Variants in RFX4 observed in about 807,000 individuals in gnomAD.
RFX4 encodes regulatory factor X4.
A neutral mutation model predicts 95.0 loss-of-function variants in RFX4; 10 were observed. The ratio of observed to expected loss-of-function variants is 0.11; its 90% CI spans 0.06 to 0.18. RFX4 has a LOEUF of 0.18. RFX4 is among the 10% of genes least tolerant of loss of function. RFX4 has a pLI of 1.00. For missense variants in RFX4, 640 were observed against 922.0 expected, an observed-to-expected ratio of 0.69 and a Z score of 3.96; for synonymous variants, 321 against 340.7, an observed-to-expected ratio of 0.94 and a Z score of 0.64.
rs2042887559 is a variant in RFX4, at chr12:106,746,078, C to T, written c.1634-1359C>T. On this transcript the variant is annotated intron_variant, in intron 15 of 17. Transcript: ENST00000392842. ...CCTGTGTCTATAAAAAATTTAAAGGCCAGGTGCGGTGGCTCACGCCTGTAA... is the reference window on the plus strand; with the variant it reads ...CCTGTGTCTATAAAAAATTTAAAGGTCAGGTGCGGTGGCTCACGCCTGTAA... Among the ~76,000 whole-genome samples the T allele has an allele frequency of 2.0e-5, 3 of 152,100 alleles. No homozygotes were observed. The South Asian group carries it at 6.2e-4, about 32-fold the overall frequency.
At chr12:106,746,458 G>GGA (rs2042897321) in intron 15 of RFX4, among the ~76,000 whole-genome samples, 1 of 151,922 alleles carries the variant, frequency 6.6e-6, no homozygotes, top group Non-Finnish European at 1.5e-5. Context: ...CTTGAGCCCG[G>GGA]GAGGTCAAGG....
intron 2 of RFX4, among the ~76,000 whole-genome samples, chr12:106,636,775 A>G (rs4964478): frequency 0.12 from 18,473 of 152,190 alleles, 1,112 homozygotes; most frequent in South Asian, 0.15. Context: ...AAACTGTGCT[A>G]TCTCATAGAA....
rs552005173 is a variant in RFX4 at position 106,685,249 on chromosome 12, A to G, written c.378-1635A>G. ...TTTTAGTCCTAGCTACTAGACTACC[A>G]GGGATATTTTAATATGTTTTGTAAG... On this transcript the variant is annotated intron_variant, in intron 5 of 17. Coordinates refer to ENST00000392842, the MANE Select transcript of RFX4 (RefSeq NM_213594.3). Among the ~76,000 whole-genome samples, 45 of 151,378 alleles carry G rather than the reference A, an allele frequency of 3.0e-4. 1 individual carries two copies. Among genetic ancestry groups the G allele is most frequent in the African/African-American group, 1.1e-3 (45 of 41,236 alleles).
At chr12:106,639,473 A>G in intron 3 of RFX4, 81 bp downstream of exon 3, 2 of 1,266,668 alleles carry the variant, frequency 1.6e-6, no homozygotes, top group Non-Finnish European at 2.3e-6. Context: ...TCACTTGGAT[A>G]TTTTAACATT....
chr12:106,746,859 G>A (rs985217580), intron 15 of RFX4, among the ~76,000 whole-genome samples: 6 of 152,010 alleles, frequency 3.9e-5, no homozygotes, highest in Non-Finnish European at 7.4e-5. Context: ...TTTCCTTCTC[G>A]CCCTCCCTTC....
intron 15 of RFX4, chr12:106,733,384 A>C (rs148450523): frequency 3.7e-6 from 1 of 271,026 alleles, no homozygotes; most frequent in East Asian, 7.4e-5. Context: ...AGATAATGCC[A>C]AAACCTGGGT....
At chr12:106,758,462 C>T (rs2043148799) in intron 17 of RFX4, among the ~76,000 whole-genome samples, 1 of 152,158 alleles carries the variant, frequency 6.6e-6, no homozygotes, top group Non-Finnish European at 1.5e-5. Flanking sequence ...CAGTCTATGA[C>T]ACAACTTCTG....
intron 2 of RFX4, among the ~76,000 whole-genome samples, chr12:106,628,537 T>G (rs2040350549): frequency 6.6e-6 from 1 of 152,166 alleles, no homozygotes; most frequent in African/African-American, 2.4e-5. Flanking sequence ...CTATAGGGTC[T>G]TTTTAATTTG....
At chr12:106,741,617 A>G (rs2042804990) in intron 15 of RFX4, among the ~76,000 whole-genome samples, 1 of 152,206 alleles carries the variant, frequency 6.6e-6, no homozygotes, top group African/African-American at 2.4e-5. Context: ...AGGGCAGAGC[A>G]GCTCTAGAAT....
rs2040914162 is a variant in RFX4, at chr12:106,654,360, A to G, written c.315+9A>G. The G allele has an allele frequency of 2.5e-6, 4 of 1,613,156 alleles. No homozygotes were observed. Among genetic ancestry groups the G allele is most frequent in the African/African-American group, 1.3e-5 (1 of 74,988 alleles). On this transcript the variant is annotated intron_variant, in intron 4 of 17. Coordinates refer to ENST00000392842, the MANE Select transcript of RFX4 (RefSeq NM_213594.3). ...CTGCCAGCTTTGGAAAGGTGAGTCC[A>G]GCCTCATCAGGCTTGTCCTCCCTAC...
Position 106,622,622 on chromosome 12 carries a change from A to ATT in RFX4, c.130+13756_130+13757dup, listed in dbSNP as rs34736856. On this transcript the variant is annotated intron_variant, in intron 2 of 17. Transcript: ENST00000392842. Reference sequence around the variant, plus strand: ...AAGTCCTTAGCCCACTCCAAGCTGCATTTTTTTTTTTTTTTTTTGAGACAG... The same window carrying ATT: ...AAGTCCTTAGCCCACTCCAAGCTGCATTTTTTTTTTTTTTTTTTTTGAGACAG... 4.5e-4 allele frequency among the ~76,000 whole-genome samples: 59 copies of ATT among 132,248 alleles called. No individual in the cohort carries two copies. In the South Asian group the frequency reaches 4.9e-3, roughly 11 times the overall value. The allele number at this position is 132,248 out of a possible 152,430, so 86.8% of individuals were successfully genotyped here. A position where few individuals can be genotyped will look rare whatever the true frequency, so the allele number is the denominator to read the frequency against.
In RFX4 at chr12:106,654,361, G is replaced by A. The variant is rs1439313130; in HGVS notation, c.315+10G>A. 8.7e-6 allele frequency: 14 copies of A among 1,612,742 alleles called. No individual in the cohort carries two copies. The highest frequency in any genetic ancestry group is 1.1e-5 in the Non-Finnish European group (13 of 1,179,404). On this transcript the variant is annotated intron_variant, in intron 4 of 17. Transcript: ENST00000392842. ...TGCCAGCTTTGGAAAGGTGAGTCCA[G>A]CCTCATCAGGCTTGTCCTCCCTACC...
intron 8 of RFX4, among the ~76,000 whole-genome samples, chr12:106,703,131 G>A: frequency 6.6e-6 from 1 of 152,100 alleles, no homozygotes. Flanking sequence ...TCCCTCTATT[G>A]CAAGTGAGCC....
At chr12:106,610,217 A>AGTGC (rs1280822446) in intron 2 of RFX4, among the ~76,000 whole-genome samples, 1 of 148,248 alleles carries the variant, frequency 6.7e-6, no homozygotes, top group Non-Finnish European at 1.5e-5. Flanking sequence ...CAGCCTGGGC[A>AGTGC]ACAGAGTGAG....
intron 1 of RFX4, chr12:106,601,410 G>T: frequency 6.7e-7 from 1 of 1,490,558 alleles, no homozygotes; most frequent in African/African-American, 1.4e-5. Context: ...GGGAACTGGG[G>T]CCAGGCCCGC....
At chr12:106,641,591 A>G (rs1158763420) in intron 3 of RFX4, among the ~76,000 whole-genome samples, 2 of 152,206 alleles carry the variant, frequency 1.3e-5, no homozygotes, top group East Asian at 1.9e-4. Context: ...ATAAAGGGTC[A>G]CATAGATCAT....
At chr12:106,685,607 A>T (rs1002608025) in intron 5 of RFX4, among the ~76,000 whole-genome samples, 5 of 150,962 alleles carry the variant, frequency 3.3e-5, no homozygotes, top group Non-Finnish European at 7.4e-5. Context: ...AGGTACTGAG[A>T]GAGGGCCCAG....
At position 106,750,779 on chromosome 12, in the gene RFX4, A is replaced by G. The variant is rs1179788343; in HGVS notation, c.1921A>G (p.Arg641Gly). Residue 641 changes from arginine to glycine, a missense_variant, in exon 17 of 18, where the codon AGG becomes GGG. This residue lies in a region of RFX4 where 300 missense variants were observed against 346.8 expected (regional missense o/e 0.87). Coordinates refer to ENST00000392842, the MANE Select transcript of RFX4 (RefSeq NM_213594.3). ...SGPLHYAPYH[R>G]SSAQYPFNSP... ...GCCACTCCACTATGCCCCTTACCAC[A>G]GGAGCTCTGCACAGGTGAGTCAGTG... The G allele has an allele frequency of 6.3e-7, 1 of 1,598,940 alleles. No individual in the cohort carries two copies. The highest frequency in any genetic ancestry group is 8.5e-7 in the Non-Finnish European group (1 of 1,174,614).
At chr12:106,675,664 G>T (rs954976839) in intron 4 of RFX4, among the ~76,000 whole-genome samples, 1 of 151,952 alleles carries the variant, frequency 6.6e-6, no homozygotes, top group African/African-American at 2.4e-5. Context: ...ACATAACTAC[G>T]GTCACCCAAC....
Sources: gnomAD v4.1 joint callset for allele counts (sites outside exome capture counted in the v4.1 genomes callset) on GRCh38, gnomAD v4.1.1 for gene constraint, gnomAD v4.1.1 regional missense constraint, MANE v1.5 for transcripts, NCBI Gene and HGNC (gene_info 2026-07-23, HGNC 2026-07-21) for gene names.